The following ENPP2 variants were observed in gnomAD, a reference collection of about 807,000 sequenced individuals.
ENPP2 encodes the protein autotaxin.
In ENPP2, 51 loss-of-function variants were observed where a neutral mutation model predicts 120.2. The observed-to-expected ratio is 0.42, with a 90% CI of 0.34 to 0.54. The LOEUF (loss-of-function observed/expected upper bound fraction) is 0.54. Ranked by LOEUF, ENPP2 falls within the 20% of genes least tolerant of loss-of-function variation. The pLI, the probability that ENPP2 is intolerant of heterozygous loss-of-function variation, is 0.04. For missense variants in ENPP2, 920 were observed against 1,066.5 expected, an observed-to-expected ratio of 0.86 and a Z score of 1.91; for synonymous variants, 365 against 366.4, an observed-to-expected ratio of 1.00 and a Z score of 0.04.
Position 119,584,062 on chromosome 8 carries a change from A to C in ENPP2, c.1368-13T>G. 1 of 1,531,928 alleles carries C rather than the reference A, an allele frequency of 6.5e-7. No homozygotes were observed. Among genetic ancestry groups the C allele is most frequent in the Admixed American group, 1.7e-5 (1 of 59,792 alleles). 94.9% of individuals were successfully genotyped at this position (1,531,928 alleles called of 1,614,324 possible). On this transcript the variant is annotated splice_polypyrimidine_tract_variant and intron_variant, in intron 15 of 24. Transcript: ENST00000075322. ...ATCCAAAGGTTTCCTAAATTGAAAC[A>C]ATTTCATGATTAGTTAGAATTTCTC...
intron 2 of ENPP2, among the ~76,000 whole-genome samples, chr8:119,631,539 TG>T (rs1479216141): frequency 6.6e-6 from 1 of 152,074 alleles, no homozygotes; most frequent in East Asian, 1.9e-4. Context: ...TAAAATACAG[TG>T]AGTGTATGAT....
At chr8:119,601,035 T>C (rs142273846) in intron 10 of ENPP2, among the ~76,000 whole-genome samples, 1 of 152,274 alleles carries the variant, frequency 6.6e-6, no homozygotes, top group Non-Finnish European at 1.5e-5. Flanking sequence ...AGCCTGGCGG[T>C]AATTCACATG....
At chr8:119,572,652 C>T (rs1444794401) in intron 19 of ENPP2, 1 of 166,858 alleles carries the variant, frequency 6.0e-6, no homozygotes, top group African/African-American at 2.4e-5. Flanking sequence ...AAGTCTGTCA[C>T]CTATCTCCTT....
At chr8:119,611,086 G>A (rs77306832) in intron 8 of ENPP2, among the ~76,000 whole-genome samples, 1,584 of 152,210 alleles carry the variant, frequency 0.01, 25 homozygotes, top group African/African-American at 0.037. Flanking sequence ...ATTGTATCTT[G>A]TGATGTGCTA....
Position 119,570,716 on chromosome 8 carries a change from C to T in ENPP2, c.1906G>A (p.Val636Ile), listed in dbSNP as rs772793217. Reference sequence around the variant, plus strand: ...ATTTTCTCAATGACCTGTTTGGAAACAGTATATGATGTCCAGAGTGGCATT... The same window carrying T: ...ATTTTCTCAATGACCTGTTTGGAAATAGTATATGATGTCCAGAGTGGCATT... ...FLMPLWTSYT[V>I]SKQAEVSSVP... The change falls in exon 20 of 25, where the codon GTT (valine) becomes ATT (isoleucine). Residue 636 changes from valine (V) to isoleucine (I), a missense_variant. Physicochemically the swap from Val to Ile is conservative, Grantham distance 29 (BLOSUM62 3). Coordinates refer to ENST00000075322, the MANE Select transcript of ENPP2 (RefSeq NM_001040092.3). The T allele has an allele frequency of 1.2e-5, 19 of 1,551,980 alleles. No homozygotes were observed. Among genetic ancestry groups the T allele is most frequent in the Non-Finnish European group, 1.7e-5 (19 of 1,149,128 alleles).
intron 3 of ENPP2, among the ~76,000 whole-genome samples, chr8:119,622,042 C>A (rs1011674672): frequency 6.6e-6 from 1 of 152,182 alleles, no homozygotes; most frequent in Non-Finnish European, 1.5e-5. Flanking sequence ...GATTATCCCG[C>A]CTCAGCCTCC....
At chr8:119,589,505 G>A (rs187804862) in intron 13 of ENPP2, among the ~76,000 whole-genome samples, 1 of 151,906 alleles carries the variant, frequency 6.6e-6, no homozygotes, top group East Asian at 1.9e-4. Flanking sequence ...TTTTTGCATA[G>A]CCCTGAAGTG....
chr8:119,574,664 T>C (rs542145261), intron 19 of ENPP2, among the ~76,000 whole-genome samples: 1 of 152,234 alleles, frequency 6.6e-6, no homozygotes, highest in East Asian at 1.9e-4. Flanking sequence ...GCTTCCTGAT[T>C]CAGATTCCCA....
chr8:119,663,133 A>G (rs147505315), intron 1 of ENPP2, among the ~76,000 whole-genome samples: 36,821 of 145,738 alleles, frequency 0.25, 5,245 homozygotes, highest in Admixed American at 0.39. Context: ...AAAAAAAAAA[A>G]AAAGAAAGAA....
At chr8:119,572,297 A>G (rs1188392654) in intron 19 of ENPP2, 4 of 1,400,006 alleles carry the variant, frequency 2.9e-6, no homozygotes, top group Non-Finnish European at 4.0e-6. Flanking sequence ...TTCTCTTTTC[A>G]TCATTTAAGT....
chr8:119,662,565 G>A (rs924284053), intron 1 of ENPP2, among the ~76,000 whole-genome samples: 3 of 151,928 alleles, frequency 2.0e-5, no homozygotes, highest in African/African-American at 7.3e-5. Context: ...TGAAATTTGA[G>A]ATTTACAGAT....
chr8:119,617,110 C>A lies in ENPP2; in HGVS notation c.657+54G>T, dbSNP rs1815508867. The A allele has an allele frequency of 6.3e-6, 7 of 1,104,812 alleles. No individual in the cohort carries two copies. The East Asian group carries it at 9.4e-5, about 15-fold the overall frequency. The allele number at this position is 1,104,812 out of a possible 1,614,324, so 68.4% of individuals were successfully genotyped here. ...AAAAGTAAAGTCTCTCCTTTAAAGT[C>A]ATTCCAGGATGAAATCAGCCCTTTG... On this transcript the variant is annotated intron_variant, in intron 7 of 24. Transcript: ENST00000075322.
At chr8:119,655,830 G>C (rs1204896534) in intron 1 of ENPP2, among the ~76,000 whole-genome samples, 3 of 152,312 alleles carry the variant, frequency 2.0e-5, no homozygotes, top group Admixed American at 2.0e-4. Flanking sequence ...CCCAGCCAGA[G>C]CCCAGTTTCT....
At position 119,594,384 on chromosome 8, in the gene ENPP2, T is replaced by C. The variant is rs545712773; in HGVS notation, c.973-524A>G. ...TTTAACTGTTGGCATCTGAAAGCAA[T>C]AGATTCTTAACAGAAGAACCTATTC... On this transcript the variant is annotated intron_variant, in intron 11 of 24. Coordinates refer to ENST00000075322, the MANE Select transcript of ENPP2 (RefSeq NM_001040092.3). 3.3e-5 allele frequency among the ~76,000 whole-genome samples: 5 copies of C among 152,322 alleles called. No homozygotes were observed. The East Asian group carries it at 5.8e-4, about 18-fold the overall frequency.
intron 5 of ENPP2, among the ~76,000 whole-genome samples, 181 bp from the exon 6 acceptor site, chr8:119,617,744 T>C (rs904479056): frequency 1.3e-5 from 2 of 151,918 alleles, no homozygotes; most frequent in Non-Finnish European, 1.5e-5. Flanking sequence ...AGGTCAGGAG[T>C]TCGAGACCAG....
chr8:119,624,406 G>A (rs1213556781), intron 3 of ENPP2, among the ~76,000 whole-genome samples: 3 of 152,086 alleles, frequency 2.0e-5, no homozygotes, highest in Non-Finnish European at 4.4e-5. Flanking sequence ...TGAAAAGGAA[G>A]TGATGAAAGG....
intron 19 of ENPP2, among the ~76,000 whole-genome samples, chr8:119,576,730 C>T (rs902424260): frequency 6.6e-6 from 1 of 152,128 alleles, no homozygotes; most frequent in African/African-American, 2.4e-5. Flanking sequence ...ATTCATCCAT[C>T]AATTCAATGC....
chr8:119,609,710 T>A (rs1327100083), intron 8 of ENPP2, among the ~76,000 whole-genome samples: 1 of 152,164 alleles, frequency 6.6e-6, no homozygotes, highest in Non-Finnish European at 1.5e-5. Context: ...GGGATCTATT[T>A]TCATACTTAT....
At chr8:119,633,652 G>T (rs2130816176) in intron 2 of ENPP2, among the ~76,000 whole-genome samples, 1 of 151,956 alleles carries the variant, frequency 6.6e-6, no homozygotes, top group East Asian at 1.9e-4. Context: ...TATTGAATTT[G>T]CCATTTTTTA....
Sources: allele counts gnomAD v4.1 joint callset (sites outside exome capture counted in the v4.1 genomes callset), GRCh38; gene constraint gnomAD v4.1.1; transcripts MANE v1.5; gene names NCBI Gene and HGNC (gene_info 2026-07-23, HGNC 2026-07-21).